The following TBC1D22A variants were observed in gnomAD, a reference collection of about 807,000 sequenced individuals.
The protein encoded by TBC1D22A is TBC1 domain family member 22A.
TBC1D22A carries 38 observed loss-of-function variants against 60.2 expected under a neutral mutation model. The ratio of observed to expected loss-of-function variants is 0.63; its 90% CI spans 0.49 to 0.83. The LOEUF (loss-of-function observed/expected upper bound fraction) is 0.83. Ranked by LOEUF, TBC1D22A falls within the 40% of genes least tolerant of loss-of-function variation. The pLI is 0.00. For synonymous variants in TBC1D22A, 302 were observed against 281.7 expected (o/e 1.07, Z -0.72); for missense variants, 628 against 701.0 (o/e 0.90, Z 1.18).
At chr22:46,784,915 A>G (rs1301489126) in intron 1 of TBC1D22A, among the ~76,000 whole-genome samples, 3 of 152,200 alleles carry the variant, frequency 2.0e-5, no homozygotes, top group African/African-American at 7.2e-5. Flanking sequence ...CTTGGTTAAA[A>G]CTTTACCAGC....
At chr22:46,779,968 T>A (rs895680118) in intron 1 of TBC1D22A, among the ~76,000 whole-genome samples, 1 of 152,230 alleles carries the variant, frequency 6.6e-6, no homozygotes, top group Admixed American at 6.5e-5. Flanking sequence ...AGTTTCAGAT[T>A]ATGCTGTGGA....
At chr22:47,136,917 G>A (rs574124759) in intron 12 of TBC1D22A, among the ~76,000 whole-genome samples, 8 of 152,280 alleles carry the variant, frequency 5.3e-5, no homozygotes, top group Non-Finnish European at 1.2e-4. Flanking sequence ...CCCATCTCAC[G>A]GTAGGTCTCC....
At chr22:46,907,795 G>A (rs1252508527) in intron 7 of TBC1D22A, among the ~76,000 whole-genome samples, 6 of 152,234 alleles carry the variant, frequency 3.9e-5, no homozygotes, top group Admixed American at 3.3e-4. Context: ...GGGGCAGTGC[G>A]GTGGAGGAGC....
At chr22:46,971,082 C>T (rs745421280) in intron 8 of TBC1D22A, among the ~76,000 whole-genome samples, 7 of 152,174 alleles carry the variant, frequency 4.6e-5, no homozygotes, top group Non-Finnish European at 8.8e-5. Flanking sequence ...ATTCTCCTGG[C>T]GTTTAGAAGA....
chr22:47,140,690 C>T (rs2067050652), intron 12 of TBC1D22A, among the ~76,000 whole-genome samples: 1 of 152,254 alleles, frequency 6.6e-6, no homozygotes, highest in African/African-American at 2.4e-5. Context: ...CCTGCCCCTG[C>T]CTTTGCTCCT....
At chr22:46,827,851 T>C (rs2086137100) in intron 4 of TBC1D22A, among the ~76,000 whole-genome samples, 1 of 152,210 alleles carries the variant, frequency 6.6e-6, no homozygotes, top group Non-Finnish European at 1.5e-5. Flanking sequence ...GCTTGTCTTA[T>C]CCGCAGGGAC....
intron 10 of TBC1D22A, among the ~76,000 whole-genome samples, chr22:47,013,610 G>A (rs751658703): frequency 1.3e-5 from 2 of 152,156 alleles, no homozygotes; most frequent in African/African-American, 4.8e-5. Context: ...CTAGGAGGCC[G>A]CATTGCAGGT....
intron 11 of TBC1D22A, among the ~76,000 whole-genome samples, chr22:47,108,406 G>C (rs2065718266): frequency 6.6e-6 from 1 of 152,216 alleles, no homozygotes; most frequent in Non-Finnish European, 1.5e-5. Flanking sequence ...TGTCATGGAT[G>C]AATCTAAGGT....
At chr22:46,839,198 TAAC>T (rs1216673613) in intron 4 of TBC1D22A, among the ~76,000 whole-genome samples, 4 of 152,112 alleles carry the variant, frequency 2.6e-5, no homozygotes, top group African/African-American at 4.8e-5. Flanking sequence ...TTCTATACAC[TAAC>T]AACAACTCTC....
intron 7 of TBC1D22A, among the ~76,000 whole-genome samples, chr22:46,904,474 A>ACTTTT (rs557630917): frequency 2.0e-5 from 3 of 146,894 alleles, no homozygotes; most frequent in African/African-American, 7.6e-5. Context: ...TGAAAAACGA[A>ACTTTT]TTTTTTTTTT....
intron 8 of TBC1D22A, among the ~76,000 whole-genome samples, chr22:46,963,543 G>A (rs2073648916): frequency 2.0e-5 from 3 of 152,246 alleles, no homozygotes; most frequent in African/African-American, 7.2e-5. Flanking sequence ...GTTCAGGAAA[G>A]TAGAAACCTT....
At chr22:46,878,558 C>A in intron 4 of TBC1D22A, 95 bp from the exon 5 acceptor site, 1 of 991,690 alleles carries the variant, frequency 1.0e-6, no homozygotes, top group Non-Finnish European at 1.6e-6. Flanking sequence ...GGCTCCTTGC[C>A]TCCTAATTAA....
chr22:47,163,975 C>G (rs1225469718), intron 12 of TBC1D22A, among the ~76,000 whole-genome samples: 2 of 152,250 alleles, frequency 1.3e-5, no homozygotes, highest in Non-Finnish European at 2.9e-5. Context: ...GTACTTCTTT[C>G]CAGTGGCAAC....
At chr22:46,834,335 G>C (rs2086430773) in intron 4 of TBC1D22A, among the ~76,000 whole-genome samples, 1 of 152,170 alleles carries the variant, frequency 6.6e-6, no homozygotes, top group Admixed American at 6.5e-5. Context: ...TACCCCTGTG[G>C]AGCACAGGAG....
chr22:46,861,982 G>A (rs2087914116), intron 4 of TBC1D22A, among the ~76,000 whole-genome samples: 1 of 152,368 alleles, frequency 6.6e-6, no homozygotes, highest in African/African-American at 2.4e-5. Context: ...TGTCAGGACA[G>A]TGTACTGGGG....
chr22:46,965,793 G>A lies in TBC1D22A; in HGVS notation c.1016-8497G>A, dbSNP rs372149160. ...GTGATGGTGCAGTCATTGGTTCTCCGGCAGTGTGTTTGCTACCTGGAGGGG... is the reference window on the plus strand; with the variant it reads ...GTGATGGTGCAGTCATTGGTTCTCCAGCAGTGTGTTTGCTACCTGGAGGGG... On this transcript the variant is annotated intron_variant, in intron 8 of 12. Transcript: ENST00000337137. 1.8e-3 allele frequency among the ~76,000 whole-genome samples: 267 copies of A among 152,332 alleles called. 1 individual carries two copies. Among genetic ancestry groups the A allele is most frequent in the African/African-American group, 5.7e-3 (237 of 41,574 alleles).
chr22:47,159,248 A>G (rs1429407154), intron 12 of TBC1D22A, among the ~76,000 whole-genome samples: 1 of 147,688 alleles, frequency 6.8e-6, no homozygotes, highest in African/African-American at 2.6e-5. Context: ...AAAATATACC[A>G]TGTATGCACG....
Position 46,977,883 on chromosome 22 carries a change from C to T in TBC1D22A, c.1125+3484C>T, listed in dbSNP as rs565519301. Among the ~76,000 whole-genome samples, 9 of 152,308 alleles carry T rather than the reference C, an allele frequency of 5.9e-5. No individual in the cohort carries two copies. The South Asian group carries it at 1.4e-3, about 25-fold the overall frequency. On this transcript the variant is annotated intron_variant, in intron 9 of 12. Transcript: ENST00000337137. ...CCCATTAGAAACCGCCCCCAGGATC[C>T]GGTCACCTCCAGCCAGGCCACGCCT...
intron 8 of TBC1D22A, among the ~76,000 whole-genome samples, chr22:46,912,895 T>C (rs899101222): frequency 3.3e-5 from 5 of 152,138 alleles, no homozygotes; most frequent in African/African-American, 1.2e-4. Context: ...GGTGATAGAG[T>C]GTCAGTCACA....
Sources: allele counts gnomAD v4.1 joint callset (sites outside exome capture counted in the v4.1 genomes callset), GRCh38; gene constraint gnomAD v4.1.1; transcripts MANE v1.5; gene names NCBI Gene and HGNC (gene_info 2026-07-23, HGNC 2026-07-21).